The following PAN3 variants were observed in gnomAD, a reference collection of about 807,000 sequenced individuals.
PAN3 encodes the protein poly(A) specific ribonuclease subunit PAN3, also known as PAN2-PAN3 deadenylation complex subunit PAN3.
PAN3 carries 19 observed loss-of-function variants against 96.2 expected under a neutral mutation model. The ratio of observed to expected loss-of-function variants is 0.20; its 90% CI spans 0.14 to 0.29. The LOEUF is 0.29. PAN3 is among the 10% of genes least tolerant of loss of function. PAN3 has a pLI of 1.00. For synonymous variants in PAN3, 433 were observed against 406.6 expected, an observed-to-expected ratio of 1.06 and a Z score of -0.78; for missense variants, 882 against 1,108.1, an observed-to-expected ratio of 0.80 and a Z score of 2.90.
chr13:28,190,271 C>G (rs1343724618), intron 4 of PAN3, among the ~76,000 whole-genome samples: 4 of 152,006 alleles, frequency 2.6e-5, no homozygotes, highest in Admixed American at 6.6e-5. Flanking sequence ...GAGATAGAGC[C>G]TCACTCTGTT....
At chr13:28,156,028 C>T (rs552296630) in intron 1 of PAN3, among the ~76,000 whole-genome samples, 4 of 152,112 alleles carry the variant, frequency 2.6e-5, no homozygotes, top group Non-Finnish European at 5.9e-5. Context: ...GTTTTACCAC[C>T]CCCAAAGCTG....
chr13:28,193,316 A>G (rs182644705), intron 4 of PAN3, among the ~76,000 whole-genome samples: 80 of 152,284 alleles, frequency 5.3e-4, no homozygotes, highest in Non-Finnish European at 1.3e-4. Context: ...TATTGAGGAG[A>G]GGCTTTAGGC....
intron 1 of PAN3, among the ~76,000 whole-genome samples, chr13:28,141,115 T>A: frequency 6.6e-6 from 1 of 150,636 alleles, no homozygotes; most frequent in East Asian, 2.0e-4. Flanking sequence ...GCAATTCTCC[T>A]GCCTCAGCCT....
chr13:28,287,672 G>A (rs1869153156), intron 17 of PAN3, among the ~76,000 whole-genome samples: 1 of 152,182 alleles, frequency 6.6e-6, no homozygotes, highest in Non-Finnish European at 1.5e-5. Flanking sequence ...CAGAGTGGGA[G>A]GAAGAGAAGA....
At chr13:28,272,535 G>A (rs1394427148) in intron 14 of PAN3, among the ~76,000 whole-genome samples, 2 of 151,026 alleles carry the variant, frequency 1.3e-5, no homozygotes, top group East Asian at 3.9e-4. Flanking sequence ...GCCCTTGTGG[G>A]TTGGAATAAA....
At chr13:28,286,034 A>G (rs1868930919) in intron 17 of PAN3, among the ~76,000 whole-genome samples, 1 of 152,230 alleles carries the variant, frequency 6.6e-6, no homozygotes, top group Non-Finnish European at 1.5e-5. Flanking sequence ...ATAAGGTCCT[A>G]AAAAGCCAAT....
chr13:28,267,593 G>A (rs1430543941), intron 12 of PAN3, among the ~76,000 whole-genome samples, 192 bp downstream of exon 12: 1 of 152,196 alleles, frequency 6.6e-6, no homozygotes, highest in East Asian at 1.9e-4. Flanking sequence ...ACAAAAGAGA[G>A]AGGTTTAATG....
intron 1 of PAN3, among the ~76,000 whole-genome samples, chr13:28,144,622 G>T (rs1211237595): frequency 6.6e-6 from 1 of 151,988 alleles, no homozygotes; most frequent in Non-Finnish European, 1.5e-5. Context: ...TGATGAGATC[G>T]GGCGTGTTCA....
intron 4 of PAN3, among the ~76,000 whole-genome samples, chr13:28,181,532 C>G (rs1275937312): frequency 6.8e-6 from 1 of 146,406 alleles, no homozygotes; most frequent in African/African-American, 2.5e-5. Flanking sequence ...AAAAAAAGGC[C>G]CAAAACAAAA....
chr13:28,268,650 G>A (rs1007999259), intron 12 of PAN3, among the ~76,000 whole-genome samples: 2 of 152,074 alleles, frequency 1.3e-5, no homozygotes, highest in Non-Finnish European at 2.9e-5. Flanking sequence ...CAAGAAAGCA[G>A]CATCACGTTA....
chr13:28,154,133 TATTC>T (rs1440552148), intron 1 of PAN3, among the ~76,000 whole-genome samples: 1 of 152,236 alleles, frequency 6.6e-6, no homozygotes, highest in East Asian at 1.9e-4. Context: ...TAGTTGTTGA[TATTC>T]AAGTTTGTAG....
At chr13:28,245,627 A>G (rs974459100) in intron 6 of PAN3, among the ~76,000 whole-genome samples, 5 of 152,128 alleles carry the variant, frequency 3.3e-5, no homozygotes, top group African/African-American at 1.2e-4. Context: ...ATTCCACAGC[A>G]TTTTCATCAC....
At chr13:28,251,267 G>C (rs1432893131) in intron 6 of PAN3, among the ~76,000 whole-genome samples, 1 of 152,106 alleles carries the variant, frequency 6.6e-6, no homozygotes, top group Non-Finnish European at 1.5e-5. Context: ...ATATGGTTCT[G>C]TTACCTGGAC....
chr13:28,241,713 T>C (rs1883681063), intron 6 of PAN3, among the ~76,000 whole-genome samples: 2 of 152,346 alleles, frequency 1.3e-5, no homozygotes, highest in South Asian at 4.1e-4. Context: ...TATAAGTGTG[T>C]ATTCTTTAAT....
intron 6 of PAN3, among the ~76,000 whole-genome samples, chr13:28,228,294 C>G (rs1291069963): frequency 3.9e-5 from 6 of 151,982 alleles, no homozygotes; most frequent in Non-Finnish European, 5.9e-5. Context: ...TTTTCTTATT[C>G]TTACTGCCTT....
intron 5 of PAN3, among the ~76,000 whole-genome samples, chr13:28,207,115 T>C (rs958716753): frequency 2.0e-5 from 3 of 152,214 alleles, no homozygotes; most frequent in African/African-American, 7.2e-5. Context: ...TATATTTTTC[T>C]TCAAACCTGT....
At chr13:28,205,340 A>G (rs9554285) in intron 5 of PAN3, among the ~76,000 whole-genome samples, 9,045 of 152,142 alleles carry the variant, frequency 0.059, 503 homozygotes, top group East Asian at 0.33. Context: ...CTGTAAATGT[A>G]CTACTTTCTG....
chr13:28,213,081 A>G (rs1361303979), intron 5 of PAN3, among the ~76,000 whole-genome samples: 1 of 152,216 alleles, frequency 6.6e-6, no homozygotes, highest in Non-Finnish European at 1.5e-5. Flanking sequence ...GGCTTTCCGT[A>G]TCCATGGGTT....
At chr13:28,290,149 C>T (rs565856716) in intron 18 of PAN3, among the ~76,000 whole-genome samples, 2 of 152,248 alleles carry the variant, frequency 1.3e-5, no homozygotes, top group Non-Finnish European at 2.9e-5. Flanking sequence ...TAAGCCAAAC[C>T]TAAAACATTT....
Sources: allele counts gnomAD v4.1 joint callset (sites outside exome capture counted in the v4.1 genomes callset), GRCh38; gene constraint gnomAD v4.1.1; transcripts MANE v1.5; gene names NCBI Gene and HGNC (gene_info 2026-07-23, HGNC 2026-07-21).